Variants in CNTNAP1 observed in about 807,000 individuals in gnomAD.
The protein encoded by CNTNAP1 is contactin associated protein 1, also known as contactin-associated protein 1.
A neutral mutation model predicts 161.5 loss-of-function variants in CNTNAP1; 80 were observed. That is an observed-to-expected ratio of 0.50 (90% CI 0.41 to 0.60). The LOEUF is 0.60. Ranked by LOEUF, CNTNAP1 falls within the 20% of genes least tolerant of loss-of-function variation. The pLI is 0.00. For synonymous variants in CNTNAP1, 695 were observed against 733.1 expected (o/e 0.95, Z 0.84); for missense variants, 1,464 against 1,854.8 (o/e 0.79, Z 3.87).
chr17:42,697,196 A>G, intron 20 of CNTNAP1, 78 bp from the exon 21 acceptor site: 2 of 1,000,422 alleles, frequency 2.0e-6, no homozygotes, highest in Non-Finnish European at 1.6e-6. Flanking sequence ...GGGTCCACAC[A>G]GTTCCAGTCC....
At position 42,682,681 on chromosome 17, in the gene CNTNAP1, G is replaced by T. The variant is rs2052950128; in HGVS notation, c.-149G>T. 1.4e-6 allele frequency: 1 copy of T among 720,388 alleles called. No individual in the cohort carries two copies. Among genetic ancestry groups the T allele is most frequent in the Non-Finnish European group, 2.4e-6 (1 of 420,948 alleles). 44.6% of individuals were successfully genotyped at this position (720,388 alleles called of 1,614,324 possible). A position where few individuals can be genotyped will look rare whatever the true frequency, so the allele number is the denominator to read the frequency against. On this transcript the variant is annotated 5_prime_UTR_variant, in exon 1 of 24. Coordinates refer to ENST00000264638, the MANE Select transcript of CNTNAP1 (RefSeq NM_003632.3). Reference sequence around the variant, plus strand: ...AGAGAGGAGAGACAGAGCGCTTGGGGGCGAAAGGAGAGAGGGAGGGAAGGG... The same window carrying T: ...AGAGAGGAGAGACAGAGCGCTTGGGTGCGAAAGGAGAGAGGGAGGGAAGGG...
Position 42,685,181 on chromosome 17 carries a change from C to T in CNTNAP1, c.512-36C>T, listed in dbSNP as rs372590028. ...GCGGAGGGGGCCTGGGAGACAGCCT[C>T]CCCAGTTCCCGGCCCACCTACGGTC... On this transcript the variant is annotated intron_variant, in intron 4 of 23. Transcript: ENST00000264638. The surrounding 1 kb of genome is among the most constrained non-coding windows in gnomAD (Gnocchi z 5.0). 3.1e-6 allele frequency: 5 copies of T among 1,611,086 alleles called. No individual in the cohort carries two copies. In the African/African-American group the frequency reaches 4.0e-5, roughly 13 times the overall value.
chr17:42,690,204 CG>C lies in CNTNAP1; in HGVS notation c.1853del (p.Arg618GlnfsTer19). On this transcript the variant is annotated frameshift_variant and splice_region_variant, in exon 12 of 24. Transcript: ENST00000264638. LOFTEE classifies it high-confidence loss of function. The stretch of plus-strand genomic sequence containing the variant: ...GCCATTTGTAGTGTACTGTGATATC[CG>C]AGGTAAGTGTCTCTGTTGGGTGGTG... The part of the protein sequence containing the change: ...LKPFVVYCDI[R>X]ENRAWTVVRH... The C allele has an allele frequency of 6.2e-7, 1 of 1,613,652 alleles. No homozygotes were observed.
Position 42,699,588 on chromosome 17 carries a change from C to T in CNTNAP1, c.*678C>T, listed in dbSNP as rs2053200534. 1 of 152,784 alleles carries T rather than the reference C, an allele frequency of 6.5e-6. No individual in the cohort carries two copies. Among genetic ancestry groups the T allele is most frequent in the Non-Finnish European group, 1.5e-5 (1 of 68,046 alleles). 9.5% of individuals were successfully genotyped at this position (152,784 alleles called of 1,614,324 possible). On this transcript the variant is annotated 3_prime_UTR_variant, in exon 24 of 24. Coordinates refer to ENST00000264638, the MANE Select transcript of CNTNAP1 (RefSeq NM_003632.3). ...CTGACTAGCCAGCCCTCTACTCCTC[C>T]AACCTTTTCCAAGATATGCAATGGC...
At chr17:42,698,088 G>C (rs2053174239) in intron 23 of CNTNAP1, 138 bp downstream of exon 23, 2 of 988,258 alleles carry the variant, frequency 2.0e-6, no homozygotes, top group East Asian at 4.8e-5. Flanking sequence ...GATGAGACAG[G>C]CTATGCTGAA....
At chr17:42,698,083 G>C in intron 23 of CNTNAP1, 133 bp downstream of exon 23, 1 of 1,009,878 alleles carries the variant, frequency 9.9e-7, no homozygotes, top group Non-Finnish European at 1.6e-6. Flanking sequence ...AGGATGATGA[G>C]ACAGGCTATG....
chr17:42,685,524 A>G lies in CNTNAP1; in HGVS notation c.715+104A>G. 2.6e-6 allele frequency: 3 copies of G among 1,149,298 alleles called. No homozygotes were observed. Among genetic ancestry groups the G allele is most frequent in the Non-Finnish European group, 3.7e-6 (3 of 813,814 alleles). The allele number at this position is 1,149,298 out of a possible 1,614,324, so 71.2% of individuals were successfully genotyped here. A position where few individuals can be genotyped will look rare whatever the true frequency, so the allele number is the denominator to read the frequency against. ...GCATCCGCGCTCAGCCTGGTCTTCC[A>G]CTTCTCTAAGGCCTGGACCAAACTG... On this transcript the variant is annotated intron_variant, in intron 5 of 23. Transcript: ENST00000264638. The surrounding 1 kb of genome is among the most constrained non-coding windows in gnomAD (Gnocchi z 5.0).
At position 42,690,225 on chromosome 17, in the gene CNTNAP1, G is replaced by T; in HGVS notation, c.1855+18G>T. On this transcript the variant is annotated intron_variant, in intron 12 of 23. Coordinates refer to ENST00000264638, the MANE Select transcript of CNTNAP1 (RefSeq NM_003632.3). The stretch of plus-strand genomic sequence containing the variant: ...TATCCGAGGTAAGTGTCTCTGTTGG[G>T]TGGTGAGGGGGTGAGGGGAGAACCA... 1 of 1,613,648 alleles carries T rather than the reference G, an allele frequency of 6.2e-7. No homozygotes were observed.
chr17:42,685,505 G>T lies in CNTNAP1; in HGVS notation c.715+85G>T. The T allele has an allele frequency of 1.8e-5, 23 of 1,311,544 alleles. No homozygotes were observed. The highest frequency in any genetic ancestry group is 2.4e-5 in the Non-Finnish European group (23 of 952,970). 81.2% of individuals were successfully genotyped at this position (1,311,544 alleles called of 1,614,324 possible). ...CTCGTGGCACCTCCTCCGCGCATCC[G>T]CGCTCAGCCTGGTCTTCCACTTCTC... On this transcript the variant is annotated intron_variant, in intron 5 of 23. Coordinates refer to ENST00000264638, the MANE Select transcript of CNTNAP1 (RefSeq NM_003632.3). The surrounding 1 kb of genome is among the most constrained non-coding windows in gnomAD (Gnocchi z 5.0).
intron 6 of CNTNAP1, among the ~76,000 whole-genome samples, chr17:42,686,467 C>CTTTTTTTTTTTTTTTTTTTT (rs1567970428): frequency 1.6e-5 from 1 of 61,766 alleles, no homozygotes; most frequent in African/African-American, 7.4e-5. Context: ...AGAAAAAGGC[C>CTTTTTTTTTTTTTTTTTTTT]TGTTTTTTTT....
In CNTNAP1 at chr17:42,684,221, C is replaced by T; in HGVS notation, c.355C>T (p.His119Tyr). ...CTGGACACCGTTCTACCAGCGAGGG[C>T]ACAACTCGGTACTCTGGGCGCCAAG... ...DSWTPFYQRG[H>Y]NSTFFGNVNE... The change falls in exon 3 of 24, where the codon CAC becomes TAC. Residue 119 changes from histidine to tyrosine, a missense_variant. By Grantham distance (83) the His-to-Tyr change is moderately conservative. This residue lies in a region of CNTNAP1 where 1,383 missense variants were observed against 1,765.0 expected (regional missense o/e 0.78). Transcript: ENST00000264638. 6.2e-7 allele frequency: 1 copy of T among 1,612,836 alleles called. No homozygotes were observed. Among genetic ancestry groups the T allele is most frequent in the Non-Finnish European group, 8.5e-7 (1 of 1,179,260 alleles).
Position 42,697,324 on chromosome 17 carries a change from C to G in CNTNAP1, c.3525C>G (p.Ser1175Arg). Reference protein sequence around the residue: ...TEQKFSLLVDSQLDSPKALYL... With the variant: ...TEQKFSLLVDRQLDSPKALYL... ...AGAAGTTCTCGCTGTTGGTGGACAGCCAGTTGGACTCACCCAAGGCCTTGT... is the reference window on the plus strand; with the variant it reads ...AGAAGTTCTCGCTGTTGGTGGACAGGCAGTTGGACTCACCCAAGGCCTTGT... Residue 1175 changes from serine to arginine, a missense_variant, in exon 21 of 24, where the codon AGC (serine) becomes AGG (arginine). Physicochemically the swap from Ser to Arg is moderately radical, Grantham distance 110. Around this residue, in one of 3 missense-constraint regions of CNTNAP1, gnomAD observed 1,383 missense variants for 1,765.0 expected, o/e 0.78. Coordinates refer to ENST00000264638, the MANE Select transcript of CNTNAP1 (RefSeq NM_003632.3). 6.2e-7 allele frequency: 1 copy of G among 1,613,978 alleles called. No homozygotes were observed. The highest frequency in any genetic ancestry group is 8.5e-7 in the Non-Finnish European group (1 of 1,180,018).
rs2052951296 is a variant in CNTNAP1, at chr17:42,682,749, A to C, written c.-81A>C. ...GCGGTCTGCTGCAAACCCCAGGAGG[A>C]GAGCTTGGAGCCCAAGCCAGAACTC... is the stretch of plus-strand genomic sequence containing the variant. On this transcript the variant is annotated 5_prime_UTR_variant, in exon 1 of 24. Transcript: ENST00000264638. 3 of 1,404,704 alleles carry C rather than the reference A, an allele frequency of 2.1e-6. No individual in the cohort carries two copies. The highest frequency in any genetic ancestry group is 2.0e-5 in the Admixed American group (1 of 50,716). 87.0% of individuals were successfully genotyped at this position (1,404,704 alleles called of 1,614,324 possible).
rs2053023013 is a variant in CNTNAP1 at position 42,686,891 on chromosome 17, C to T, written c.901-12C>T. 1.9e-6 allele frequency: 3 copies of T among 1,590,206 alleles called. No individual in the cohort carries two copies. The highest frequency in any genetic ancestry group is 2.2e-5 in the South Asian group (2 of 90,134). On this transcript the variant is annotated splice_polypyrimidine_tract_variant and intron_variant, in intron 6 of 23. Coordinates refer to ENST00000264638, the MANE Select transcript of CNTNAP1 (RefSeq NM_003632.3). ...TGTGCCCAAGAGGCCTCATTCCCCA[C>T]GCCTCCCGCAGATGTTCATCGGAGG...
chr17:42,688,813 G>C, intron 9 of CNTNAP1, 63 bp from the exon 10 acceptor site: 1 of 1,584,648 alleles, frequency 6.3e-7, no homozygotes, highest in South Asian at 1.1e-5. Flanking sequence ...CCCTCAGCAT[G>C]TCCCTGGGGG....
chr17:42,686,084 C>G lies in CNTNAP1; in HGVS notation c.843C>G (p.Gly281=). 1 of 1,614,222 alleles carries G rather than the reference C, an allele frequency of 6.2e-7. No homozygotes were observed. The highest frequency in any genetic ancestry group is 2.2e-5 in the East Asian group (1 of 44,890). ...GCGATGTAAATTTCACCCTGGACGG[C>G]TATGTGCAGCGCTTTATTCTCAATG... The part of the protein sequence containing the change: ...FGRDVNFTLD[G]YVQRFILNGD... The change falls in exon 6 of 24, where the codon GGC becomes GGG. Residue 281 remains glycine (G), a synonymous_variant. Coordinates refer to ENST00000264638, the MANE Select transcript of CNTNAP1 (RefSeq NM_003632.3).
chr17:42,682,790 C>T lies in CNTNAP1; in HGVS notation c.-40C>T. ...GCCAGAACTCGAGCCCTAGCCGGAG[C>T]CGTTCACAGGGAGGCGGCTGCCGGG... is the stretch of plus-strand genomic sequence containing the variant. On this transcript the variant is annotated 5_prime_UTR_variant, in exon 1 of 24. Coordinates refer to ENST00000264638, the MANE Select transcript of CNTNAP1 (RefSeq NM_003632.3). 1.3e-6 allele frequency: 2 copies of T among 1,545,950 alleles called. No individual in the cohort carries two copies. The highest frequency in any genetic ancestry group is 8.7e-7 in the Non-Finnish European group (1 of 1,147,052).
rs1173610296 is a variant in CNTNAP1 at position 42,694,938 on chromosome 17, T to C, written c.2993-583T>C. On this transcript the variant is annotated intron_variant, in intron 18 of 23. Coordinates refer to ENST00000264638, the MANE Select transcript of CNTNAP1 (RefSeq NM_003632.3). The stretch of plus-strand genomic sequence containing the variant: ...CAGATTTCTGGTGGTGGTTTGGAAG[T>C]GTGAGTAGTGGCACATATACTACAT... Among the ~76,000 whole-genome samples, 4 of 152,128 alleles carry C rather than the reference T, an allele frequency of 2.6e-5. No homozygotes were observed. The East Asian group carries it at 7.7e-4, about 29-fold the overall frequency.
rs757498002 is a variant in CNTNAP1, at chr17:42,690,062, C to T, written c.1736-26C>T. 38 of 1,613,006 alleles carry T rather than the reference C, an allele frequency of 2.4e-5. 1 individual carries two copies. The highest frequency in any genetic ancestry group is 3.3e-4 in the Middle Eastern group (2 of 6,058). Reference sequence around the variant, plus strand: ...GCCAGCCCTCTAACTCTCTAACTGCCTTTGTCTCAACCTATTATCTGCCAG... The same window carrying T: ...GCCAGCCCTCTAACTCTCTAACTGCTTTTGTCTCAACCTATTATCTGCCAG... On this transcript the variant is annotated intron_variant, in intron 11 of 23. Coordinates refer to ENST00000264638, the MANE Select transcript of CNTNAP1 (RefSeq NM_003632.3).
Sources: gnomAD v4.1 joint callset for allele counts (sites outside exome capture counted in the v4.1 genomes callset) on GRCh38, gnomAD v4.1.1 for gene constraint, gnomAD v4.1.1 regional missense constraint, Gnocchi (gnomAD v3.1) non-coding constraint, MANE v1.5 for transcripts, NCBI Gene and HGNC (gene_info 2026-07-23, HGNC 2026-07-21) for gene names.